The following LGR4 variants were observed in gnomAD, a reference collection of about 807,000 sequenced individuals.
The protein encoded by LGR4 is leucine rich repeat containing G protein-coupled receptor 4, also known as leucine-rich repeat-containing G protein-coupled receptor 4.
A neutral mutation model predicts 84.8 loss-of-function variants in LGR4; 44 were observed. That is an observed-to-expected ratio of 0.52 (90% CI 0.41 to 0.67). The LOEUF is 0.67. Ranked by LOEUF, LGR4 falls within the 30% of genes least tolerant of loss-of-function variation. LGR4 has a pLI of 0.00. For synonymous variants in LGR4, 429 were observed against 434.3 expected (o/e 0.99, Z 0.15); for missense variants, 1,032 against 1,131.4 (o/e 0.91, Z 1.26).
At chr11:27,453,558 T>C (rs1257236115) in intron 1 of LGR4, among the ~76,000 whole-genome samples, 1 of 152,124 alleles carries the variant, frequency 6.6e-6, no homozygotes, top group Non-Finnish European at 1.5e-5. Flanking sequence ...TTTATATTCA[T>C]TGTGCTTATT....
intron 6 of LGR4, among the ~76,000 whole-genome samples, chr11:27,383,578 C>T (rs1324606112): frequency 6.6e-6 from 1 of 152,118 alleles, no homozygotes; most frequent in Admixed American, 6.5e-5. Context: ...TTTAAGTCTT[C>T]TCATTAATTG....
chr11:27,384,842 A>G (rs1863157495), intron 5 of LGR4, among the ~76,000 whole-genome samples: 2 of 152,208 alleles, frequency 1.3e-5, no homozygotes. Context: ...CTATTTTGTT[A>G]TGTCTTGGAA....
chr11:27,377,716 A>G (rs1207084919), intron 11 of LGR4, among the ~76,000 whole-genome samples: 2 of 152,114 alleles, frequency 1.3e-5, no homozygotes, highest in Non-Finnish European at 2.9e-5. Context: ...AAACAGTTAT[A>G]TTACATCAAA....
chr11:27,440,978 C>G (rs1864296374), intron 1 of LGR4, among the ~76,000 whole-genome samples: 1 of 152,146 alleles, frequency 6.6e-6, no homozygotes, highest in Non-Finnish European at 1.5e-5. Flanking sequence ...TCACAAAGCA[C>G]TTTTATGCTC....
intron 1 of LGR4, among the ~76,000 whole-genome samples, chr11:27,440,304 G>C (rs770636836): frequency 2.0e-5 from 3 of 152,136 alleles, no homozygotes; most frequent in Admixed American, 1.3e-4. Context: ...CCAGCAGATG[G>C]ACCCTTCTCC....
intron 1 of LGR4, among the ~76,000 whole-genome samples, chr11:27,456,412 A>G (rs1191094071): frequency 6.6e-6 from 1 of 152,244 alleles, no homozygotes; most frequent in Non-Finnish European, 1.5e-5. Context: ...CTCATGGGTG[A>G]TTCACTTTTA....
intron 1 of LGR4, among the ~76,000 whole-genome samples, chr11:27,457,805 C>T (rs571047525): frequency 4.6e-5 from 7 of 152,152 alleles, no homozygotes; most frequent in East Asian, 3.9e-4. Context: ...TTATAGTATA[C>T]GTACACAATG....
chr11:27,431,055 C>A (rs1864108379), intron 1 of LGR4, among the ~76,000 whole-genome samples: 1 of 152,054 alleles, frequency 6.6e-6, no homozygotes, highest in Non-Finnish European at 1.5e-5. Flanking sequence ...TCTTCTTAGC[C>A]CCCCTAAAAT....
At chr11:27,370,062 T>C (rs1423231031) in intron 17 of LGR4, among the ~76,000 whole-genome samples, 2 of 152,208 alleles carry the variant, frequency 1.3e-5, no homozygotes, top group Non-Finnish European at 2.9e-5. Flanking sequence ...AAATTACAAC[T>C]GTTTTACTGA....
At chr11:27,467,663 G>A (rs898727862) in intron 1 of LGR4, among the ~76,000 whole-genome samples, 3 of 152,146 alleles carry the variant, frequency 2.0e-5, no homozygotes, top group South Asian at 4.1e-4. Context: ...TTACAGATGA[G>A]GAAAATAAGG....
chr11:27,433,761 ACACAGACGCAG>A (rs1864158510), intron 1 of LGR4, among the ~76,000 whole-genome samples: 1 of 152,174 alleles, frequency 6.6e-6, no homozygotes, highest in African/African-American at 2.4e-5. Flanking sequence ...CCTTTGCACA[ACACAGACGCAG>A]CACAGTGTGG....
chr11:27,380,408 A>T, intron 9 of LGR4, 69 bp from the exon 10 acceptor site: 1 of 1,120,866 alleles, frequency 8.9e-7, no homozygotes, highest in Non-Finnish European at 1.3e-6. Context: ...TAAACAGTTT[A>T]AAATTACAGT....
At chr11:27,401,368 A>G (rs966514084) in intron 2 of LGR4, among the ~76,000 whole-genome samples, 30 of 152,306 alleles carry the variant, frequency 2.0e-4, no homozygotes, top group African/African-American at 6.5e-4. Context: ...ACAGGAACCC[A>G]TGGAATACTT....
At chr11:27,393,315 AG>A (rs1465225929) in intron 2 of LGR4, among the ~76,000 whole-genome samples, 2 of 152,138 alleles carry the variant, frequency 1.3e-5, no homozygotes, top group African/African-American at 4.8e-5. Flanking sequence ...GGTGAAGTGA[AG>A]GAAGGTTTTC....
At chr11:27,415,517 T>A (rs1863799735) in intron 1 of LGR4, among the ~76,000 whole-genome samples, 1 of 152,160 alleles carries the variant, frequency 6.6e-6, no homozygotes, top group Non-Finnish European at 1.5e-5. Flanking sequence ...GTAGTTTTGC[T>A]GTGAGCTGTA....
At chr11:27,452,448 C>A (rs1352543813) in intron 1 of LGR4, among the ~76,000 whole-genome samples, 1 of 152,040 alleles carries the variant, frequency 6.6e-6, no homozygotes, top group African/African-American at 2.4e-5. Flanking sequence ...CATGTAACTA[C>A]CACTACAATC....
intron 1 of LGR4, among the ~76,000 whole-genome samples, chr11:27,460,524 C>A (rs973622251): frequency 1.3e-5 from 2 of 152,216 alleles, no homozygotes; most frequent in Non-Finnish European, 2.9e-5. Flanking sequence ...GAAAACCCAT[C>A]ATGGAAGCCA....
rs368214420 is a variant in LGR4, at chr11:27,373,726, A to G, written c.1254-50T>C. 2.0e-6 allele frequency: 3 copies of G among 1,466,132 alleles called. No individual in the cohort carries two copies. The African/African-American group carries it at 4.3e-5, about 21-fold the overall frequency. The allele number at this position is 1,466,132 out of a possible 1,614,324, so 90.8% of individuals were successfully genotyped here. ...TTAATGCCCAATATATAAATCACAT[A>G]AAAACATCTGTACACGTATTAACAT... On this transcript the variant is annotated intron_variant, in intron 14 of 17. Transcript: ENST00000379214.
At chr11:27,429,438 G>A (rs1404851745) in intron 1 of LGR4, among the ~76,000 whole-genome samples, 4 of 151,606 alleles carry the variant, frequency 2.6e-5, no homozygotes, top group East Asian at 2.0e-4. Flanking sequence ...GGCTGAGATC[G>A]CGCTACTGCA....
Sources: gnomAD v4.1 joint callset for allele counts (sites outside exome capture counted in the v4.1 genomes callset) on GRCh38, gnomAD v4.1.1 for gene constraint, MANE v1.5 for transcripts, NCBI Gene and HGNC (gene_info 2026-07-23, HGNC 2026-07-21) for gene names.